USP20: variants seen among roughly 807,000 people sequenced by gnomAD.
USP20 encodes the protein ubiquitin specific peptidase 20.
Under a neutral mutation model 124.2 loss-of-function variants are expected in USP20, and 80 were observed. That is an observed-to-expected ratio of 0.64 (90% CI 0.54 to 0.78). The LOEUF (loss-of-function observed/expected upper bound fraction) is 0.78. Ranked by LOEUF, USP20 falls within the 30% of genes least tolerant of loss-of-function variation. The probability of loss-of-function intolerance (pLI) is 0.00; values close to 1 mark genes in which losing one functional copy is unlikely to be tolerated. For synonymous variants in USP20, 481 were observed against 512.3 expected (o/e 0.94, Z 0.83); for missense variants, 1,043 against 1,244.4 (o/e 0.84, Z 2.44).
At chr9:129,861,418 C>A in intron 7 of USP20, 125 bp from the exon 8 acceptor site, 1 of 843,248 alleles carries the variant, frequency 1.2e-6, no homozygotes. Flanking sequence ...GGAACGCTTC[C>A]ACCATGTCCT....
chr9:129,838,400 A>G (rs958547194), intron 1 of USP20, among the ~76,000 whole-genome samples: 1 of 152,196 alleles, frequency 6.6e-6, no homozygotes, highest in Non-Finnish European at 1.5e-5. Context: ...GTGAGCAGTC[A>G]TGGCTCAATA....
intron 19 of USP20, 110 bp from the exon 20 acceptor site, chr9:129,875,200 G>C (rs2034329897): frequency 7.7e-7 from 1 of 1,303,968 alleles, no homozygotes; most frequent in South Asian, 1.5e-5. Flanking sequence ...AAGGACCCAG[G>C]AGGTGGTGGA....
At chr9:129,848,071 C>T (rs989006546) in intron 1 of USP20, among the ~76,000 whole-genome samples, 3 of 151,794 alleles carry the variant, frequency 2.0e-5, no homozygotes, top group African/African-American at 7.3e-5. Context: ...CTGAGGCAGG[C>T]GGATCACCTG....
At position 129,848,789 on chromosome 9, in the gene USP20, A is replaced by G. The variant is rs1002776098; in HGVS notation, c.-128-1024A>G. ...TTAAAATAGTGTAAGACTAGTGCCG[A>G]CTCAGGGCACATGGCCTCAGCAGAA... On this transcript the variant is annotated intron_variant, in intron 1 of 25. Transcript: ENST00000372429. Among the ~76,000 whole-genome samples the G allele has an allele frequency of 4.6e-5, 7 of 152,332 alleles. No individual in the cohort carries two copies. In the Middle Eastern group the frequency reaches 0.01, roughly 222 times the overall value.
At chr9:129,875,925 C>CACAGCTGAGTGTGTTGGCCATCTGCTG (rs1222948326) in intron 21 of USP20, among the ~76,000 whole-genome samples, 1 of 6,398 alleles carries the variant, frequency 1.6e-4, no homozygotes, top group Non-Finnish European at 5.8e-4. Flanking sequence ...GCCATCTGCT[C>CACAGCTGAGTGTGTTGGCCATCTGCTG]TTCAGCCTTG....
At chr9:129,838,912 G>A (rs966967644) in intron 1 of USP20, among the ~76,000 whole-genome samples, 1 of 152,198 alleles carries the variant, frequency 6.6e-6, no homozygotes, top group Non-Finnish European at 1.5e-5. Flanking sequence ...GGTAGTAGCA[G>A]GCTTTGAGCT....
intron 11 of USP20, 111 bp downstream of exon 11, chr9:129,868,560 C>G: frequency 6.9e-7 from 1 of 1,449,572 alleles, no homozygotes; most frequent in Non-Finnish European, 9.1e-7. Flanking sequence ...TTCACTAGAC[C>G]CGAATGACAG....
At chr9:129,857,999 A>G (rs765740113) in intron 4 of USP20, 51 bp from the exon 5 acceptor site, 5 of 1,536,672 alleles carry the variant, frequency 3.3e-6, no homozygotes, top group Non-Finnish European at 4.5e-6. Flanking sequence ...CACTGTGTTG[A>G]CACCATCCTT....
intron 21 of USP20, among the ~76,000 whole-genome samples, 168 bp from the exon 22 acceptor site, chr9:129,875,962 C>T (rs189347485): frequency 2.9e-4 from 44 of 152,398 alleles, no homozygotes; most frequent in South Asian, 1.0e-3. Context: ...GGGCTGTGGG[C>T]GCGCTGCTCC....
At chr9:129,845,752 GAAA>G (rs371647459) in intron 1 of USP20, among the ~76,000 whole-genome samples, 1 of 150,524 alleles carries the variant, frequency 6.6e-6, no homozygotes. Flanking sequence ...AGTATAGGAA[GAAA>G]AAAAAGGCAA....
At chr9:129,853,427 G>C (rs2033038465) in intron 3 of USP20, among the ~76,000 whole-genome samples, 1 of 152,172 alleles carries the variant, frequency 6.6e-6, no homozygotes, top group Non-Finnish European at 1.5e-5. Flanking sequence ...GTGGACACCT[G>C]GACCCTTTGC....
In USP20 at chr9:129,869,396, AGCCTTGT is replaced by A; in HGVS notation, c.1366_1372del (p.Leu456SerfsTer95). On this transcript the variant is annotated frameshift_variant, in exon 13 of 26. Coordinates refer to ENST00000372429, the MANE Select transcript of USP20 (RefSeq NM_001110303.4). LOFTEE classifies it high-confidence loss of function. ...AGACATCTTTGACGGCTCCATTCTC[AGCCTTGT>A]GCAGTGTCTCACCTGTGACCGGGTG... 1.2e-6 allele frequency: 2 copies of A among 1,613,600 alleles called. No individual in the cohort carries two copies. Among genetic ancestry groups the A allele is most frequent in the Non-Finnish European group, 1.7e-6 (2 of 1,179,938 alleles).
intron 5 of USP20, 122 bp from the exon 6 acceptor site, chr9:129,858,345 C>G: frequency 1.4e-6 from 2 of 1,465,028 alleles, no homozygotes; most frequent in Non-Finnish European, 1.9e-6. Context: ...AAAATTTGAG[C>G]TTCCGGCCTC....
rs368924998 is a variant in USP20, at chr9:129,869,640, G to T, written c.1393-32G>T. 4.5e-5 allele frequency: 73 copies of T among 1,610,798 alleles called. No homozygotes were observed. The African/African-American group carries it at 9.2e-4, about 20-fold the overall frequency. On this transcript the variant is annotated intron_variant, in intron 13 of 25. Coordinates refer to ENST00000372429, the MANE Select transcript of USP20 (RefSeq NM_001110303.4). ...GTTTGGGGTGCAGACATTGCCAGAGGATGGGCAGCAGACTGACCTTCAACC... is the reference window on the plus strand; with the variant it reads ...GTTTGGGGTGCAGACATTGCCAGAGTATGGGCAGCAGACTGACCTTCAACC...
Position 129,863,220 on chromosome 9 carries a change from G to T in USP20, c.532G>T (p.Gly178Cys), listed in dbSNP as rs1306762567. 2 of 1,547,498 alleles carry T rather than the reference G, an allele frequency of 1.3e-6. No homozygotes were observed. Among genetic ancestry groups the T allele is most frequent in the Non-Finnish European group, 1.7e-6 (2 of 1,143,446 alleles). The change falls in exon 9 of 26, where the codon GGC (glycine) becomes TGC (cysteine). Residue 178 changes from glycine to cysteine, a missense_variant. Coordinates refer to ENST00000372429, the MANE Select transcript of USP20 (RefSeq NM_001110303.4). ...GACTCAGTTCTTCTTGGAGTGTGGCGGCCTGGTGCGCACAGATAAGAAGCC... is the reference window on the plus strand; with the variant it reads ...GACTCAGTTCTTCTTGGAGTGTGGCTGCCTGGTGCGCACAGATAAGAAGCC... ...PLTQFFLECG[G>C]LVRTDKKPAL...
chr9:129,869,697 A>G lies in USP20; in HGVS notation c.1418A>G (p.Gln473Arg). 3.1e-6 allele frequency: 5 copies of G among 1,614,120 alleles called. No homozygotes were observed. Among genetic ancestry groups the G allele is most frequent in the Non-Finnish European group, 4.2e-6 (5 of 1,180,028 alleles). ...DRVSTTVETF[Q>R]DLSLPIPGKE... is the part of the protein sequence containing the mutation. ...GTATCCACCACAGTGGAAACGTTCC[A>G]GGACTTATCACTGCCCATTCCTGGA... The change falls in exon 14 of 26, where the codon CAG becomes CGG. Residue 473 changes from glutamine to arginine, a missense_variant. By Grantham distance (43) the Gln-to-Arg change is conservative. Coordinates refer to ENST00000372429, the MANE Select transcript of USP20 (RefSeq NM_001110303.4).
intron 15 of USP20, among the ~76,000 whole-genome samples, chr9:129,871,100 C>T (rs974045924): frequency 2.0e-5 from 3 of 152,106 alleles, no homozygotes; most frequent in Admixed American, 6.6e-5. Context: ...CACATGGTCA[C>T]GCAGCCATCC....
Position 129,861,603 on chromosome 9 carries a change from T to A in USP20, c.488T>A (p.Leu163Gln), listed in dbSNP as rs746799349. ...TACATGAACGCTGCCCTGCAGGCCC[T>A]GTCCAATTGGTAGGTCGACACTTTG... ...SCYMNAALQA[L>Q]SNCPPLTQFF... Residue 163 changes from leucine to glutamine, a missense_variant, in exon 8 of 26, where the codon CTG (leucine) becomes CAG (glutamine). Leu to Gln is a moderately radical substitution (Grantham distance 113, BLOSUM62 -2). Coordinates refer to ENST00000372429, the MANE Select transcript of USP20 (RefSeq NM_001110303.4). 3.7e-6 allele frequency: 6 copies of A among 1,613,978 alleles called. No individual in the cohort carries two copies. Among genetic ancestry groups the A allele is most frequent in the Non-Finnish European group, 4.2e-6 (5 of 1,180,002 alleles).
intron 1 of USP20, among the ~76,000 whole-genome samples, chr9:129,844,751 G>A (rs182356854): frequency 3.2e-4 from 48 of 149,436 alleles, no homozygotes; most frequent in African/African-American, 1.1e-3. Context: ...TTCATTTTAT[G>A]TCTGTGTCTG....
Sources: gnomAD v4.1 joint callset for allele counts (sites outside exome capture counted in the v4.1 genomes callset) on GRCh38, gnomAD v4.1.1 for gene constraint, MANE v1.5 for transcripts, NCBI Gene and HGNC (gene_info 2026-07-23, HGNC 2026-07-21) for gene names.